Variants in EDA2R observed in about 807,000 individuals in gnomAD.
EDA2R encodes the protein ectodysplasin A2 receptor, also known as tumor necrosis factor receptor superfamily member 27.
A neutral mutation model predicts 20.1 loss-of-function variants in EDA2R; 26 were observed. The observed-to-expected ratio is 1.30, with a 90% confidence interval of 0.95 to 1.80. The LOEUF is 1.80. Ranked by LOEUF, EDA2R falls within the 40% of genes most tolerant of loss-of-function variation. The pLI, the probability that EDA2R is intolerant of heterozygous loss-of-function variation, is 0.00. For missense variants in EDA2R, 277 were observed against 228.7 expected, an observed-to-expected ratio of 1.21 and a Z score of -1.36; for synonymous variants, 114 against 88.7, an observed-to-expected ratio of 1.29 and a Z score of -1.60.
chrX:66,598,117 A>G, intron 6 of EDA2R, 24 bp from the exon 7 acceptor site: 1 of 798,789 alleles, frequency 1.3e-6, no homozygotes, highest in Non-Finnish European at 1.6e-6. Context: ...AAACCAAGTT[A>G]GAAACATGTG....
intron 2 of EDA2R, among the ~76,000 whole-genome samples, chrX:66,609,442 GTAGTCATT>G (rs1445558032): frequency 9.0e-6 from 1 of 111,648 alleles, no homozygotes; most frequent in African/African-American, 3.3e-5. Flanking sequence ...GACATGGGCA[GTAGTCATT>G]TTACTCATGC....
At chrX:66,620,243 C>A (rs1466635903) in intron 1 of EDA2R, among the ~76,000 whole-genome samples, 2 of 111,547 alleles carry the variant, frequency 1.8e-5, no homozygotes, top group Non-Finnish European at 3.8e-5. Context: ...ATATATTTTT[C>A]TTGGCAAACA....
At chrX:66,628,473 C>T (rs1179489433) in intron 1 of EDA2R, among the ~76,000 whole-genome samples, 1 of 110,767 alleles carries the variant, frequency 9.0e-6, no homozygotes, top group Non-Finnish European at 1.9e-5. Flanking sequence ...GTCAGAAAAT[C>T]CAAATAACCT....
At chrX:66,626,219 G>A (rs950246954) in intron 1 of EDA2R, among the ~76,000 whole-genome samples, 1 of 111,688 alleles carries the variant, frequency 9.0e-6, no homozygotes, top group African/African-American at 3.3e-5. Flanking sequence ...AGCGAATCAG[G>A]GAGGCAACAG....
intron 1 of EDA2R, among the ~76,000 whole-genome samples, chrX:66,622,495 C>A (rs1932759678): frequency 9.0e-6 from 1 of 111,493 alleles, no homozygotes; most frequent in African/African-American, 3.3e-5. Flanking sequence ...ATTAAGAACT[C>A]AGTACTTCAG....
Position 66,615,961 on chromosome X carries a change from C to A in EDA2R, c.60G>T (p.Arg20=). The change falls in exon 2 of 7, where the codon CGG becomes CGT. Residue 20 remains arginine, a synonymous_variant. Transcript: ENST00000374719. ...TGGATAGCTCCTGTCCAGGACCACACCGTTGGCAGGTGACACACCGTCCCC... is the reference window on the plus strand; with the variant it reads ...TGGATAGCTCCTGTCCAGGACCACAACGTTGGCAGGTGACACACCGTCCCC... ...DQWGRCVTCQ[R]CGPGQELSKD... is the part of the protein sequence containing the mutation. 1 of 1,210,419 alleles carries A rather than the reference C, an allele frequency of 8.3e-7. No individual in the cohort carries two copies. Among genetic ancestry groups the A allele is most frequent in the Non-Finnish European group, 1.1e-6 (1 of 894,654 alleles).
chrX:66,626,265 A>C (rs1172506005), intron 1 of EDA2R, among the ~76,000 whole-genome samples: 3 of 112,003 alleles, frequency 2.7e-5, no homozygotes, highest in African/African-American at 9.7e-5. Context: ...AATCTAAAAA[A>C]TGATACAAGA....
intron 1 of EDA2R, among the ~76,000 whole-genome samples, chrX:66,633,588 A>G (rs1934048071): frequency 9.0e-6 from 1 of 111,285 alleles, no homozygotes; most frequent in Non-Finnish European, 1.9e-5. Flanking sequence ...TCCCACCCAG[A>G]GCTGGGGAAC....
At chrX:66,611,837 A>C (rs2147760077) in intron 2 of EDA2R, among the ~76,000 whole-genome samples, 1 of 111,886 alleles carries the variant, frequency 8.9e-6, no homozygotes, top group Non-Finnish European at 1.9e-5. Flanking sequence ...GAGGATGAAC[A>C]GATCCCAAAC....
chrX:66,624,483 C>A (rs755013633), intron 1 of EDA2R, among the ~76,000 whole-genome samples: 1 of 111,959 alleles, frequency 8.9e-6, no homozygotes, highest in Non-Finnish European at 1.9e-5. Flanking sequence ...TGTGCCACTG[C>A]ACTCCAGCCT....
At position 66,604,434 on chromosome X, in the gene EDA2R, G is replaced by A. The variant is rs748641402; in HGVS notation, c.339C>T (p.Thr113=). The part of the protein sequence containing the change: ...ECIPCTKQTP[T]SEVQCAFQLS... ...CTGGGTACACACATTGAACCTCAGA[G>A]GTGGGGGTCTGCTTCGTGCACGGGA... The change falls in exon 4 of 7, where the codon ACC becomes ACT. Residue 113 remains threonine (T), a synonymous_variant. Coordinates refer to ENST00000374719, the MANE Select transcript of EDA2R (RefSeq NM_021783.5). 1 of 1,208,855 alleles carries A rather than the reference G, an allele frequency of 8.3e-7. No homozygotes were observed. The highest frequency in any genetic ancestry group is 1.1e-6 in the Non-Finnish European group (1 of 893,817).
At chrX:66,600,091 T>C (rs777875714) in intron 5 of EDA2R, 63 of 1,153,459 alleles carry the variant, frequency 5.5e-5, no homozygotes, top group Middle Eastern at 4.7e-4. Flanking sequence ...AAATAATCAA[T>C]TTCTCTAGAG....
chrX:66,631,887 G>A (rs1933851185), intron 1 of EDA2R, among the ~76,000 whole-genome samples: 1 of 111,402 alleles, frequency 9.0e-6, no homozygotes, highest in African/African-American at 3.3e-5. Context: ...AAGTTGAAGG[G>A]GACAGAGGAA....
intron 2 of EDA2R, among the ~76,000 whole-genome samples, chrX:66,610,049 A>G (rs1165261596): frequency 9.0e-6 from 1 of 111,717 alleles, no homozygotes; most frequent in Non-Finnish European, 1.9e-5. Context: ...TAAAAATTTT[A>G]AAAAGTTTCA....
chrX:66,629,878 AC>A, intron 1 of EDA2R, among the ~76,000 whole-genome samples: 1 of 111,742 alleles, frequency 8.9e-6, no homozygotes, highest in South Asian at 3.8e-4. Context: ...AGCCCACATA[AC>A]CAAAACAAGA....
intron 1 of EDA2R, among the ~76,000 whole-genome samples, chrX:66,634,380 T>C (rs1934133309): frequency 9.0e-6 from 1 of 111,458 alleles, no homozygotes; most frequent in South Asian, 3.8e-4. Flanking sequence ...AAAGGGAGGT[T>C]TAAAATTAAT....
At chrX:66,598,516 A>G (rs996673957) in intron 6 of EDA2R, among the ~76,000 whole-genome samples, 23 of 111,824 alleles carry the variant, frequency 2.1e-4, no homozygotes, top group African/African-American at 7.5e-4. Flanking sequence ...TACATTGAGA[A>G]GTAGTCAGCC....
At chrX:66,620,192 A>G (rs1219211581) in intron 1 of EDA2R, among the ~76,000 whole-genome samples, 12 of 112,290 alleles carry the variant, frequency 1.1e-4, no homozygotes, top group Admixed American at 9.4e-4. Context: ...GTTAATTACT[A>G]TTGTTGTGTA....
intron 1 of EDA2R, among the ~76,000 whole-genome samples, chrX:66,623,938 T>C (rs778719377): frequency 1.7e-3 from 196 of 112,573 alleles, no homozygotes; most frequent in African/African-American, 5.7e-3. Flanking sequence ...ATATCATAAA[T>C]CTTATGTACT....
Sources: allele counts gnomAD v4.1 joint callset (sites outside exome capture counted in the v4.1 genomes callset), GRCh38; gene constraint gnomAD v4.1.1; transcripts MANE v1.5; gene names NCBI Gene and HGNC (gene_info 2026-07-23, HGNC 2026-07-21).